The following PSD4 variants were observed in gnomAD, a reference collection of about 807,000 sequenced individuals.
PSD4 encodes pleckstrin and Sec7 domain containing 4.
A neutral mutation model predicts 112.5 loss-of-function variants in PSD4; 59 were observed. The observed-to-expected ratio is 0.52, with a 90% confidence interval of 0.43 to 0.65. PSD4 has a LOEUF of 0.65. PSD4 is among the 30% of genes least tolerant of loss of function. The pLI is 0.00. For synonymous variants in PSD4, 533 were observed against 540.0 expected (o/e 0.99, Z 0.18); for missense variants, 1,267 against 1,352.6 (o/e 0.94, Z 0.99).
At chr2:113,193,561 C>T (rs1158959078) in intron 8 of PSD4, 31 bp from the exon 9 acceptor site, 2 of 1,601,454 alleles carry the variant, frequency 1.2e-6, no homozygotes, top group Non-Finnish European at 1.7e-6. Flanking sequence ...TTCCAATGAG[C>T]TTTCTCTCCA....
In PSD4 at chr2:113,203,456, G is replaced by A. The variant is rs768590551; in HGVS notation, c.*2041G>A. 4 of 151,708 alleles carry A rather than the reference G, an allele frequency of 2.6e-5. No individual in the cohort carries two copies. The highest frequency in any genetic ancestry group is 6.6e-5 in the Admixed American group (1 of 15,222). The allele number at this position is 151,708 out of a possible 1,614,324, so 9.4% of individuals were successfully genotyped here. On this transcript the variant is annotated 3_prime_UTR_variant, in exon 17 of 17. Transcript: ENST00000245796. ...TCCAATTGCCTCATTTGATTGAAGT[G>A]GAATCCCAGCATCAAGTGGACATGA...
chr2:113,201,641 C>T lies in PSD4; in HGVS notation c.*226C>T. 1 of 617,758 alleles carries T rather than the reference C, an allele frequency of 1.6e-6. No individual in the cohort carries two copies. The allele number at this position is 617,758 out of a possible 1,614,324, so 38.3% of individuals were successfully genotyped here. On this transcript the variant is annotated 3_prime_UTR_variant, in exon 17 of 17. Coordinates refer to ENST00000245796, the MANE Select transcript of PSD4 (RefSeq NM_012455.3). ...CCCCATGGCAGTCCCTCCGCAGCCC[C>T]AGTCCCTGGCCACGCCCAAGGGAAG...
chr2:113,185,896 C>T lies in PSD4; in HGVS notation c.1269C>T (p.His423=). ...SQDRDEREGG[H]PQESLPCTLA... ...CCTCAGATGAGAGGGAGGGTGGACA[C>T]CCCCAGGAATCTCTTCCCTGCACCT... is the stretch of plus-strand genomic sequence containing the variant. The change falls in exon 5 of 17, where the codon CAC becomes CAT. Residue 423 remains histidine (H), a synonymous_variant. Coordinates refer to ENST00000245796, the MANE Select transcript of PSD4 (RefSeq NM_012455.3). The T allele has an allele frequency of 1.9e-6, 3 of 1,612,030 alleles. No individual in the cohort carries two copies. Among genetic ancestry groups the T allele is most frequent in the Non-Finnish European group, 2.5e-6 (3 of 1,179,014 alleles).
chr2:113,199,187 G>A lies in PSD4; in HGVS notation c.2874G>A (p.Leu958=), dbSNP rs1688705059. The A allele has an allele frequency of 3.3e-6, 5 of 1,521,592 alleles. No individual in the cohort carries two copies. The South Asian group carries it at 3.6e-5, about 11-fold the overall frequency. 94.3% of individuals were successfully genotyped at this position (1,521,592 alleles called of 1,614,324 possible). ...LPERRGRGRE[L]EEHRLRKEYL... is the part of the protein sequence containing the mutation. ...AGCGGCGGGGCCGTGGCCGCGAGCT[G>A]GAGGAGCACCGCCTGCGGAAGGAGT... is the stretch of plus-strand genomic sequence containing the variant. Residue 958 remains leucine (L), a synonymous_variant, in exon 16 of 17, where the codon CTG becomes CTA. Coordinates refer to ENST00000245796, the MANE Select transcript of PSD4 (RefSeq NM_012455.3).
chr2:113,183,616 A>G, intron 2 of PSD4, 104 bp downstream of exon 2: 1 of 1,119,380 alleles, frequency 8.9e-7, no homozygotes, highest in South Asian at 1.7e-5. Flanking sequence ...TGACGCTAAG[A>G]GCTTTGGGGA....
chr2:113,187,043 C>G (rs1010121057), intron 5 of PSD4, among the ~76,000 whole-genome samples: 2 of 152,188 alleles, frequency 1.3e-5, no homozygotes, highest in Non-Finnish European at 2.9e-5. Context: ...CCGAGCTCAG[C>G]GCCTTGAATG....
intron 16 of PSD4, among the ~76,000 whole-genome samples, chr2:113,200,198 C>T (rs2104510514): frequency 6.6e-6 from 1 of 152,314 alleles, no homozygotes; most frequent in Admixed American, 6.5e-5. Context: ...CCTCACCCAT[C>T]CACCCACACT....
In PSD4 at chr2:113,185,985, G is replaced by A; in HGVS notation, c.1358G>A (p.Ser453Asn). The change falls in exon 5 of 17, where the codon AGC (serine) becomes AAC (asparagine). Residue 453 changes from serine (S) to asparagine (N), a missense_variant. Ser to Asn is a conservative substitution (Grantham distance 46). Coordinates refer to ENST00000245796, the MANE Select transcript of PSD4 (RefSeq NM_012455.3). Reference protein sequence around the residue: ...SPEPSSPESESRGPGPRPSPA... With the variant: ...SPEPSSPESENRGPGPRPSPA... ...GAGCCTAGCAGCCCAGAATCTGAGA[G>A]CAGAGGCCCTGGTCCCAGGCCCAGC... 3 of 1,614,154 alleles carry A rather than the reference G, an allele frequency of 1.9e-6. No homozygotes were observed. The highest frequency in any genetic ancestry group is 1.7e-6 in the Non-Finnish European group (2 of 1,179,966).
rs538768749 is a variant in PSD4, at chr2:113,204,645, C to G, written c.*3230C>G. Reference sequence around the variant, plus strand: ...TCCAGGGTCCTGGGCCTGCTGTGACCCAGGTTGTTACTCCTGATATAACTG... The same window carrying G: ...TCCAGGGTCCTGGGCCTGCTGTGACGCAGGTTGTTACTCCTGATATAACTG... On this transcript the variant is annotated 3_prime_UTR_variant, in exon 17 of 17. Transcript: ENST00000245796. 1 of 152,192 alleles carries G rather than the reference C, an allele frequency of 6.6e-6. No homozygotes were observed. The highest frequency in any genetic ancestry group is 1.5e-5 in the Non-Finnish European group (1 of 68,062). 9.4% of individuals were successfully genotyped at this position (152,192 alleles called of 1,614,324 possible). A position where few individuals can be genotyped will look rare whatever the true frequency, so the allele number is the denominator to read the frequency against.
In PSD4 at chr2:113,199,079, G is replaced by C; in HGVS notation, c.2770-4G>C. ...CAGCGCCCCTCACCGCCCGCTGCTC[G>C]CAGGAGGAGCAGCATCGATCCCACG... On this transcript the variant is annotated splice_region_variant and splice_polypyrimidine_tract_variant and intron_variant, in intron 15 of 16. Transcript: ENST00000245796. The C allele has an allele frequency of 6.6e-7, 1 of 1,526,100 alleles. No homozygotes were observed. The allele number at this position is 1,526,100 out of a possible 1,614,324, so 94.5% of individuals were successfully genotyped here. A position where few individuals can be genotyped will look rare whatever the true frequency, so the allele number is the denominator to read the frequency against.
Position 113,185,024 on chromosome 2 carries a change from GA to G in PSD4, c.1125del (p.Cys376ValfsTer34), listed in dbSNP as rs1329892444. 2 of 1,614,160 alleles carry G rather than the reference GA, an allele frequency of 1.2e-6. No homozygotes were observed. Among genetic ancestry groups the G allele is most frequent in the African/African-American group, 1.3e-5 (1 of 74,950 alleles). ...CVDEALTWES[G>X]CVGSDLGPAA... Reference sequence around the variant, plus strand: ...GACGAAGCATTGACCTGGGAATCAGGATGTGTCGGATCTGATCTTGGCCCTG... The same window carrying G: ...GACGAAGCATTGACCTGGGAATCAGGTGTGTCGGATCTGATCTTGGCCCTG... On this transcript the variant is annotated frameshift_variant, in exon 3 of 17. Coordinates refer to ENST00000245796, the MANE Select transcript of PSD4 (RefSeq NM_012455.3). LOFTEE classifies it high-confidence loss of function.
At chr2:113,194,081 G>A in intron 10 of PSD4, 133 bp downstream of exon 10, 1 of 806,488 alleles carries the variant, frequency 1.2e-6, no homozygotes, top group Non-Finnish European at 1.9e-6. Context: ...GTTTATTGAA[G>A]GGCTAGTAAA....
intron 5 of PSD4, among the ~76,000 whole-genome samples, chr2:113,187,875 A>G (rs567885602): frequency 5.6e-4 from 86 of 152,328 alleles, no homozygotes; most frequent in Middle Eastern, 3.4e-3. Flanking sequence ...CATGAACACT[A>G]CATAATGCAG....
Position 113,183,394 on chromosome 2 carries a change from G to C in PSD4, c.938G>C (p.Ser313Thr), listed in dbSNP as rs1397705523. ...GATTTGGGGGACGGCGCTGCTATCAGTGGGCATTGTACCCCTCCATTCCCT... is the reference window on the plus strand; with the variant it reads ...GATTTGGGGGACGGCGCTGCTATCACTGGGCATTGTACCCCTCCATTCCCT... The part of the protein sequence containing the change: ...EPDLGDGAAI[S>T]GHCTPPFPVP... Residue 313 changes from serine to threonine, a missense_variant, in exon 2 of 17, where the codon AGT (serine) becomes ACT (threonine). Ser to Thr is a moderately conservative substitution (Grantham distance 58). This residue lies in a region of PSD4 where 723 missense variants were observed against 704.0 expected (regional missense o/e 1.03). Coordinates refer to ENST00000245796, the MANE Select transcript of PSD4 (RefSeq NM_012455.3). 6.3e-7 allele frequency: 1 copy of C among 1,575,060 alleles called. No individual in the cohort carries two copies. The highest frequency in any genetic ancestry group is 1.3e-5 in the African/African-American group (1 of 74,086).
intron 8 of PSD4, 43 bp from the exon 9 acceptor site, chr2:113,193,549 G>C (rs1302960111): frequency 6.3e-7 from 1 of 1,586,878 alleles, no homozygotes; most frequent in East Asian, 2.2e-5. Context: ...CAGGAGCCCT[G>C]GTTCCAATGA....
intron 1 of PSD4, among the ~76,000 whole-genome samples, chr2:113,180,815 T>A (rs1688111769): frequency 6.6e-6 from 1 of 152,130 alleles, no homozygotes; most frequent in Non-Finnish European, 1.5e-5. Flanking sequence ...CATGTGTGTG[T>A]TTGTTAATAG....
Position 113,197,731 on chromosome 2 carries a change from C to A in PSD4, c.2458-16C>A. ...AGCTGATGATAACCTCTTCTCTGAG[C>A]CCCTGTGACTGGTAGCAGGGAGAAG... On this transcript the variant is annotated splice_polypyrimidine_tract_variant and intron_variant, in intron 13 of 16. Transcript: ENST00000245796. 2 of 1,607,136 alleles carry A rather than the reference C, an allele frequency of 1.2e-6. No homozygotes were observed. The highest frequency in any genetic ancestry group is 8.5e-7 in the Non-Finnish European group (1 of 1,174,444).
rs1469566770 is a variant in PSD4, at chr2:113,202,164, A to G, written c.*749A>G. On this transcript the variant is annotated 3_prime_UTR_variant, in exon 17 of 17. Transcript: ENST00000245796. Reference sequence around the variant, plus strand: ...TCATCAACAGAGCAGAGCTGATGGCATGAGTGAGGGCTGGGCGGGGTGGGG... The same window carrying G: ...TCATCAACAGAGCAGAGCTGATGGCGTGAGTGAGGGCTGGGCGGGGTGGGG... 1 of 140,286 alleles carries G rather than the reference A, an allele frequency of 7.1e-6. No homozygotes were observed. The highest frequency in any genetic ancestry group is 1.6e-5 in the Non-Finnish European group (1 of 64,006). The allele number at this position is 140,286 out of a possible 1,614,324, so 8.7% of individuals were successfully genotyped here.
rs769331611 is a variant in PSD4, at chr2:113,186,154, G to A, written c.1527G>A (p.Gly509=). Residue 509 remains glycine, a synonymous_variant, in exon 5 of 17, where the codon GGG becomes GGA. Transcript: ENST00000245796. ...GTTCCTTGAAGAAAAAGGAGGCAGG[G>A]GAGGCCCCAAAACCAGGCGAGGAAG... ...QPSSLKKKEA[G]EAPKPGEEVK... is the part of the protein sequence containing the mutation. 5.6e-6 allele frequency: 9 copies of A among 1,614,062 alleles called. No individual in the cohort carries two copies.
Sources: gnomAD v4.1 joint callset for allele counts (sites outside exome capture counted in the v4.1 genomes callset) on GRCh38, gnomAD v4.1.1 for gene constraint, gnomAD v4.1.1 regional missense constraint, MANE v1.5 for transcripts, NCBI Gene and HGNC (gene_info 2026-07-23, HGNC 2026-07-21) for gene names.